The following LINGO2 variants were observed in gnomAD, a reference collection of about 807,000 sequenced individuals.
The protein encoded by LINGO2 is leucine rich repeat and Ig domain containing 2, also known as leucine-rich repeat and immunoglobulin-like domain-containing nogo receptor-interacting protein 2.
Under a neutral mutation model 30.6 loss-of-function variants are expected in LINGO2, and 14 were observed. That is an observed-to-expected ratio of 0.46 (90% CI 0.30 to 0.72). The LOEUF is 0.72. Ranked by LOEUF, LINGO2 falls within the 30% of genes least tolerant of loss-of-function variation. The pLI, the probability that LINGO2 is intolerant of heterozygous loss-of-function variation, is 0.07. For missense variants in LINGO2, 729 were observed against 751.7 expected (o/e 0.97, Z 0.35); for synonymous variants, 317 against 288.5 (o/e 1.10, Z -1.00).
intron 2 of LINGO2, among the ~76,000 whole-genome samples, chr9:28,375,125 CA>C (rs1821074279): frequency 8.8e-6 from 1 of 114,248 alleles, no homozygotes; most frequent in African/African-American, 3.1e-5. Flanking sequence ...CACACACACA[CA>C]CACACACATA....
intron 5 of LINGO2, among the ~76,000 whole-genome samples, chr9:27,996,474 T>G (rs1563894136): frequency 6.6e-6 from 1 of 152,198 alleles, no homozygotes. Context: ...TCCTGTCATT[T>G]GCAGTAACAT....
At chr9:28,426,564 G>A (rs1265916335) in intron 2 of LINGO2, among the ~76,000 whole-genome samples, 1 of 152,050 alleles carries the variant, frequency 6.6e-6, no homozygotes, top group Non-Finnish European at 1.5e-5. Flanking sequence ...TTAGCTTGAA[G>A]GGAGCACTAC....
the LINGO2 span, among the ~76,000 whole-genome samples, chr9:28,714,992 G>A: frequency 6.6e-6 from 1 of 152,104 alleles, no homozygotes; most frequent in African/African-American, 2.4e-5. Flanking sequence ...ACTAAACTAT[G>A]AGTCCATCTG....
chr9:28,430,484 GA>G (rs1371816902), intron 2 of LINGO2, among the ~76,000 whole-genome samples: 4 of 152,026 alleles, frequency 2.6e-5, no homozygotes, highest in Admixed American at 6.6e-5. Flanking sequence ...TCTTTTCCTA[GA>G]ATAATTTCTC....
At chr9:29,153,513 T>A in the LINGO2 span, among the ~76,000 whole-genome samples, 1 of 152,202 alleles carries the variant, frequency 6.6e-6, no homozygotes, top group Non-Finnish European at 1.5e-5. Context: ...AGTTTTTTAT[T>A]ATTTGTTTTT....
At chr9:29,136,138 AT>A in the LINGO2 span, among the ~76,000 whole-genome samples, 2 of 152,230 alleles carry the variant, frequency 1.3e-5, no homozygotes, top group Admixed American at 6.5e-5. Context: ...ACTTGTCCCA[AT>A]TTCAAGTAAA....
chr9:28,012,046 T>G (rs772773396), intron 5 of LINGO2, among the ~76,000 whole-genome samples: 11 of 152,308 alleles, frequency 7.2e-5, no homozygotes, highest in Middle Eastern at 3.4e-3. Flanking sequence ...TATGTTCTTC[T>G]GCCAGCTTTG....
chr9:28,397,230 G>A (rs748819753), intron 2 of LINGO2, among the ~76,000 whole-genome samples: 14 of 151,700 alleles, frequency 9.2e-5, no homozygotes, highest in African/African-American at 3.4e-4. Context: ...AGTAGAATAG[G>A]ATCCATATCC....
chr9:28,938,013 C>T, the LINGO2 span, among the ~76,000 whole-genome samples: 22 of 152,092 alleles, frequency 1.4e-4, no homozygotes, highest in East Asian at 2.9e-3. Context: ...TCATTTAGCT[C>T]CCATTTACAA....
chr9:28,177,955 C>T (rs1483251624), intron 4 of LINGO2, among the ~76,000 whole-genome samples: 1 of 152,090 alleles, frequency 6.6e-6, no homozygotes, highest in African/African-American at 2.4e-5. Context: ...TTAGCAGGGG[C>T]TTTTGTTTTA....
At chr9:28,465,284 A>G (rs375337748) in intron 2 of LINGO2, among the ~76,000 whole-genome samples, 1 of 152,158 alleles carries the variant, frequency 6.6e-6, no homozygotes, top group African/African-American at 2.4e-5. Context: ...GGCTCTCAGT[A>G]GGATGGAAAG....
At chr9:29,119,170 G>A in the LINGO2 span, among the ~76,000 whole-genome samples, 3 of 152,072 alleles carry the variant, frequency 2.0e-5, no homozygotes, top group Non-Finnish European at 1.5e-5. Flanking sequence ...TTCCCAATAG[G>A]GGCTTGCAAA....
chr9:28,055,847 A>G (rs1445067298), intron 4 of LINGO2, among the ~76,000 whole-genome samples: 1 of 152,156 alleles, frequency 6.6e-6, no homozygotes, highest in Non-Finnish European at 1.5e-5. Flanking sequence ...GTCTGTTCAC[A>G]ACTTACTTTG....
chr9:28,032,876 TAA>T (rs981246074), intron 4 of LINGO2, among the ~76,000 whole-genome samples: 5 of 152,322 alleles, frequency 3.3e-5, no homozygotes, highest in African/African-American at 9.6e-5. Flanking sequence ...AATTTTAAAA[TAA>T]AGTTTTCCAT....
chr9:28,555,290 C>A (rs1313590301), intron 1 of LINGO2, among the ~76,000 whole-genome samples: 1 of 141,464 alleles, frequency 7.1e-6, no homozygotes, highest in African/African-American at 2.8e-5. Flanking sequence ...ATCAAATAGA[C>A]ACAATAAAAA....
chr9:28,482,019 A>G (rs1166558768), intron 1 of LINGO2, among the ~76,000 whole-genome samples: 1 of 152,062 alleles, frequency 6.6e-6, no homozygotes, highest in East Asian at 1.9e-4. Context: ...AATCCAGTCT[A>G]TCATTGTTAG....
intron 4 of LINGO2, among the ~76,000 whole-genome samples, chr9:28,037,051 G>A (rs1345860458): frequency 6.6e-6 from 1 of 152,162 alleles, no homozygotes; most frequent in Non-Finnish European, 1.5e-5. Flanking sequence ...CATCCATGCT[G>A]CTGCTTGGCT....
At chr9:28,085,882 A>G (rs950966697) in intron 4 of LINGO2, among the ~76,000 whole-genome samples, 5 of 152,118 alleles carry the variant, frequency 3.3e-5, no homozygotes, top group African/African-American at 1.2e-4. Context: ...GTGAGTGTCT[A>G]TAAATAAAAT....
chr9:27,974,488 GC>G (rs553928352), intron 5 of LINGO2, among the ~76,000 whole-genome samples: 2 of 152,092 alleles, frequency 1.3e-5, no homozygotes, highest in Non-Finnish European at 2.9e-5. Context: ...CCAAAGGCCT[GC>G]AGGTACTCCT....
Sources: gnomAD v4.1 joint callset for allele counts (sites outside exome capture counted in the v4.1 genomes callset) on GRCh38, gnomAD v4.1.1 for gene constraint, MANE v1.5 for transcripts, NCBI Gene and HGNC (gene_info 2026-07-23, HGNC 2026-07-21) for gene names.